The following FAT3 variants were observed in gnomAD, a reference collection of about 807,000 sequenced individuals.
FAT3 encodes protocadherin Fat 3.
A neutral mutation model predicts 310.2 loss-of-function variants in FAT3; 95 were observed. The observed-to-expected ratio is 0.31, with a 90% CI of 0.26 to 0.36. FAT3 has a LOEUF of 0.36. Among genes scored for constraint, FAT3 ranks in the 10% least tolerant of loss-of-function variants. The pLI is 1.00. For missense variants in FAT3, 5,408 were observed against 5,715.6 expected (o/e 0.95, Z 1.74); for synonymous variants, 2,314 against 2,192.9 (o/e 1.06, Z -1.54).
chr11:92,588,913 T>C (rs1378359454), intron 3 of FAT3, among the ~76,000 whole-genome samples: 2 of 148,424 alleles, frequency 1.3e-5, no homozygotes, highest in Non-Finnish European at 3.0e-5. Context: ...AGGGTAAAAA[T>C]TAAGCTGTCG....
At chr11:92,610,847 G>C (rs1427036254) in intron 3 of FAT3, among the ~76,000 whole-genome samples, 1 of 152,192 alleles carries the variant, frequency 6.6e-6, no homozygotes, top group East Asian at 1.9e-4. Context: ...TTGTGGAAGG[G>C]ATGATTGAGT....
At chr11:92,231,624 G>A (rs1346189422) in intron 1 of FAT3, among the ~76,000 whole-genome samples, 1 of 152,074 alleles carries the variant, frequency 6.6e-6, no homozygotes, top group East Asian at 1.9e-4. Context: ...ACCATGGAAG[G>A]TCAAAAAGTG....
At position 92,524,859 on chromosome 11, in the gene FAT3, A is replaced by C. The variant is rs768255078; in HGVS notation, c.3518A>C (p.Glu1173Ala). 1 of 1,613,892 alleles carries C rather than the reference A, an allele frequency of 6.2e-7. No individual in the cohort carries two copies. The highest frequency in any genetic ancestry group is 2.2e-5 in the East Asian group (1 of 44,880). Residue 1173 changes from glutamate to alanine, a missense_variant, in exon 3 of 28, where the codon GAA (glutamate) becomes GCA (alanine). Physicochemically the swap from Glu to Ala is moderately radical, Grantham distance 107 (BLOSUM62 -1). Transcript: ENST00000525166. ...KDVSVIQIQA[E>A]DPDSSSNEKL... Reference sequence around the variant, plus strand: ...GTATCTGTCATTCAGATCCAGGCTGAAGATCCTGACTCCAGTTCCAATGAA... The same window carrying C: ...GTATCTGTCATTCAGATCCAGGCTGCAGATCCTGACTCCAGTTCCAATGAA...
intron 4 of FAT3, among the ~76,000 whole-genome samples, chr11:92,705,553 TGG>T: frequency 7.7e-6 from 1 of 130,384 alleles, no homozygotes; most frequent in Non-Finnish European, 1.6e-5. Context: ...GTGATGGTGG[TGG>T]TGTGATGGTG....
intron 3 of FAT3, among the ~76,000 whole-genome samples, chr11:92,662,850 A>C (rs1942833323): frequency 6.6e-6 from 1 of 152,194 alleles, no homozygotes; most frequent in African/African-American, 2.4e-5. Context: ...TTAGCTGGCA[A>C]TGTGATAAGA....
intron 2 of FAT3, among the ~76,000 whole-genome samples, chr11:92,370,799 A>T (rs900409833): frequency 1.3e-5 from 2 of 152,196 alleles, no homozygotes; most frequent in African/African-American, 4.8e-5. Context: ...CTCAAGGGTG[A>T]TTATGCTAAC....
At chr11:92,441,240 C>T (rs986311845) in intron 2 of FAT3, among the ~76,000 whole-genome samples, 1 of 152,202 alleles carries the variant, frequency 6.6e-6, no homozygotes. Flanking sequence ...ATCTTAGACT[C>T]TAGAACTATT....
chr11:92,507,762 T>TAC (rs1953163556), intron 2 of FAT3, among the ~76,000 whole-genome samples: 1 of 151,952 alleles, frequency 6.6e-6, no homozygotes, highest in Admixed American at 6.6e-5. Context: ...CCTATATATA[T>TAC]ACACACATAT....
intron 2 of FAT3, among the ~76,000 whole-genome samples, chr11:92,484,656 C>A (rs1286548961): frequency 4.6e-5 from 7 of 152,172 alleles, no homozygotes; most frequent in African/African-American, 1.7e-4. Flanking sequence ...AAAATCAAAT[C>A]ATTTAATCTT....
chr11:92,342,425 C>G (rs778971623), intron 1 of FAT3, among the ~76,000 whole-genome samples: 6 of 152,154 alleles, frequency 3.9e-5, no homozygotes, highest in Admixed American at 1.3e-4. Context: ...TTTGTAGATT[C>G]TCTTTTCCTT....
rs1326124549 is a variant in FAT3 at position 92,882,899 on chromosome 11, C to T, written c.12443C>T (p.Ser4148Phe). 1 of 1,612,720 alleles carries T rather than the reference C, an allele frequency of 6.2e-7. No homozygotes were observed. Among genetic ancestry groups the T allele is most frequent in the South Asian group, 1.1e-5 (1 of 90,670 alleles). ...VVVPNIQAGH[S>F]YVGKEELIGI... Reference sequence around the variant, plus strand: ...GTACCCAATATCCAGGCTGGCCACTCCTACGTGGGGAAGGAGGAGCTCATC... The same window carrying T: ...GTACCCAATATCCAGGCTGGCCACTTCTACGTGGGGAAGGAGGAGCTCATC... The change falls in exon 24 of 28, where the codon TCC becomes TTC. Residue 4148 changes from serine (S) to phenylalanine (F), a missense_variant. Ser to Phe is a radical substitution (Grantham distance 155, BLOSUM62 -2). Coordinates refer to ENST00000525166, the MANE Select transcript of FAT3 (RefSeq NM_001367949.2).
rs1482584555 is a variant in FAT3, at chr11:92,511,564, T to C, written c.3293-13070T>C. On this transcript the variant is annotated intron_variant, in intron 2 of 27. Transcript: ENST00000525166. ...AGAGAAAAGCAAATCAAAATGTTTC[T>C]TACTAGTGGGGAGCTCACAGTAGGA... 3.3e-5 allele frequency among the ~76,000 whole-genome samples: 5 copies of C among 152,192 alleles called. No homozygotes were observed. The East Asian group carries it at 9.6e-4, about 29-fold the overall frequency.
At chr11:92,754,075 C>T (rs1232717084) in intron 4 of FAT3, among the ~76,000 whole-genome samples, 1 of 151,680 alleles carries the variant, frequency 6.6e-6, no homozygotes, top group East Asian at 1.9e-4. Flanking sequence ...CCACAAGTCA[C>T]CACTAAAGAA....
intron 5 of FAT3, among the ~76,000 whole-genome samples, chr11:92,764,172 T>G (rs899356145): frequency 6.6e-6 from 1 of 152,096 alleles, no homozygotes; most frequent in Non-Finnish European, 1.5e-5. Context: ...TATCAGCTAA[T>G]TGTGACCACA....
intron 1 of FAT3, among the ~76,000 whole-genome samples, chr11:92,257,585 T>TGC (rs1328873481): frequency 6.6e-6 from 1 of 152,146 alleles, no homozygotes; most frequent in East Asian, 1.9e-4. Flanking sequence ...TCTTCAAGAC[T>TGC]GTAAACTCCT....
chr11:92,547,694 C>T (rs1954659635), intron 3 of FAT3, among the ~76,000 whole-genome samples: 1 of 152,136 alleles, frequency 6.6e-6, no homozygotes, highest in South Asian at 2.1e-4. Flanking sequence ...CCACACTCTG[C>T]TCTGTCCCTC....
intron 13 of FAT3, among the ~76,000 whole-genome samples, chr11:92,814,081 C>T (rs77356767): frequency 0.015 from 2,268 of 152,298 alleles, 71 homozygotes; most frequent in African/African-American, 0.052. Context: ...AACGTGCCCC[C>T]ACCAACACCA....
At chr11:92,816,981 A>C (rs143205216) in intron 13 of FAT3, among the ~76,000 whole-genome samples, 117 of 152,276 alleles carry the variant, frequency 7.7e-4, no homozygotes, top group South Asian at 4.8e-3. Context: ...ATCTCAAAAA[A>C]AATCAAAACA....
intron 21 of FAT3, among the ~76,000 whole-genome samples, chr11:92,866,150 C>T (rs1402491706): frequency 1.3e-5 from 2 of 152,186 alleles, no homozygotes; most frequent in Non-Finnish European, 2.9e-5. Flanking sequence ...TTCATTTCTA[C>T]CAGGCCTCTT....
Sources: gnomAD v4.1 joint callset for allele counts (sites outside exome capture counted in the v4.1 genomes callset) on GRCh38, gnomAD v4.1.1 for gene constraint, MANE v1.5 for transcripts, NCBI Gene and HGNC (gene_info 2026-07-23, HGNC 2026-07-21) for gene names.